Variants in KANK1 observed in about 807,000 individuals in gnomAD.
KANK1 encodes the protein KN motif and ankyrin repeat domain-containing protein 1.
KANK1 carries 109 observed loss-of-function variants against 106.2 expected under a neutral mutation model. The observed-to-expected ratio is 1.03, with a 90% confidence interval of 0.88 to 1.20. The LOEUF (loss-of-function observed/expected upper bound fraction) is 1.20. Among genes scored for constraint, KANK1 ranks in the 50% most tolerant of loss-of-function variants. The probability of loss-of-function intolerance (pLI) is 0.00; values close to 1 mark genes in which losing one functional copy is unlikely to be tolerated. For missense variants in KANK1, 2,399 were observed against 1,710.7 expected (o/e 1.40, Z -7.10); for synonymous variants, 873 against 652.2 (o/e 1.34, Z -5.16).
At position 713,106 on chromosome 9, in the gene KANK1, T is replaced by C. The variant is rs1826653073; in HGVS notation, c.2340T>C (p.Ala780=). Residue 780 remains alanine, a synonymous_variant, in exon 3 of 12, where the codon GCT becomes GCC. Coordinates refer to ENST00000382297, the MANE Select transcript of KANK1 (RefSeq NM_015158.5). ...YLVGLKMRTI[A]CGPPQLTVGL... Reference sequence around the variant, plus strand: ...TTGGTCTCAAAATGAGGACTATAGCTTGTGGGCCACCACAGTTGACTGTGG... The same window carrying C: ...TTGGTCTCAAAATGAGGACTATAGCCTGTGGGCCACCACAGTTGACTGTGG... The C allele has an allele frequency of 6.2e-7, 1 of 1,609,084 alleles. No homozygotes were observed.
intron 1 of KANK1, among the ~76,000 whole-genome samples, chr9:580,236 C>A (rs1313020501): frequency 6.6e-6 from 1 of 151,548 alleles, no homozygotes; most frequent in South Asian, 2.1e-4. Flanking sequence ...TCATTCCTCC[C>A]GGTGGGTTCG....
chr9:488,466 C>G (rs955157063), intron 3 of KANK1, among the ~76,000 whole-genome samples: 3 of 152,208 alleles, frequency 2.0e-5, no homozygotes, highest in African/African-American at 7.2e-5. Flanking sequence ...CTCAGATTGT[C>G]TTATTCTAAC....
At chr9:734,400 C>A (rs1474462604) in intron 6 of KANK1, 1 of 212,678 alleles carries the variant, frequency 4.7e-6, no homozygotes, top group Non-Finnish European at 9.7e-6. Flanking sequence ...GCGCAGTGTC[C>A]CACCCCTGTA....
intron 1 of KANK1, among the ~76,000 whole-genome samples, chr9:511,939 C>T (rs950529050): frequency 5.3e-5 from 8 of 152,144 alleles, no homozygotes; most frequent in African/African-American, 1.9e-4. Context: ...GATTCTGCTG[C>T]TTTCGGTGTT....
intron 3 of KANK1, among the ~76,000 whole-genome samples, chr9:475,621 C>G (rs1425442292): frequency 1.3e-5 from 2 of 152,040 alleles, no homozygotes; most frequent in African/African-American, 2.4e-5. Flanking sequence ...TTATTTAACC[C>G]TATATATTGT....
At chr9:618,899 CAG>C (rs1301139377) in intron 1 of KANK1, among the ~76,000 whole-genome samples, 1 of 152,132 alleles carries the variant, frequency 6.6e-6, no homozygotes, top group East Asian at 1.9e-4. Flanking sequence ...AGCCTTAAAA[CAG>C]AGAATAAAAC....
chr9:725,340 A>G (rs771565959), intron 3 of KANK1, among the ~76,000 whole-genome samples: 5 of 151,994 alleles, frequency 3.3e-5, no homozygotes, highest in Non-Finnish European at 7.4e-5. Context: ...TAAAAATACA[A>G]AAATTAGCCA....
At chr9:536,117 C>T (rs902729274) in intron 1 of KANK1, among the ~76,000 whole-genome samples, 1 of 152,072 alleles carries the variant, frequency 6.6e-6, no homozygotes, top group Non-Finnish European at 1.5e-5. Context: ...GTGGGCGGAT[C>T]ACTTGAGGTC....
Position 684,679 on chromosome 9 carries a change from C to G in KANK1, c.37+7670C>G, listed in dbSNP as rs1038850591. On this transcript the variant is annotated intron_variant, in intron 2 of 11. Coordinates refer to ENST00000382297, the MANE Select transcript of KANK1 (RefSeq NM_015158.5). The stretch of plus-strand genomic sequence containing the variant: ...AGGTATAGCTCATTTGCTTCCTTTT[C>G]CAGGGTTTGCCTTCTTCCTGTGTCT... The G allele has an allele frequency of 4.6e-5, 29 of 629,706 alleles. No homozygotes were observed. The Admixed American group carries it at 1.4e-3, about 31-fold the overall frequency. 39.0% of individuals were successfully genotyped at this position (629,706 alleles called of 1,614,324 possible).
chr9:746,080 C>T lies in KANK1; in HGVS notation c.*845C>T, dbSNP rs1296637959. 1 of 152,610 alleles carries T rather than the reference C, an allele frequency of 6.6e-6. No homozygotes were observed. The highest frequency in any genetic ancestry group is 2.4e-5 in the African/African-American group (1 of 41,426). The allele number at this position is 152,610 out of a possible 1,614,324, so 9.5% of individuals were successfully genotyped here. A position where few individuals can be genotyped will look rare whatever the true frequency, so the allele number is the denominator to read the frequency against. On this transcript the variant is annotated 3_prime_UTR_variant, in exon 12 of 12. Transcript: ENST00000382297. ...GTGCCTTAGACTCTTGCCATATTTT[C>T]AAAATAAAATTCCATTAAGCTCTTT...
At chr9:745,029 G>C in intron 11 of KANK1, 144 bp from the exon 12 acceptor site, 1 of 1,513,430 alleles carries the variant, frequency 6.6e-7, no homozygotes, top group South Asian at 1.4e-5. Context: ...GTGGACACCT[G>C]TTCCCTGTTC....
At chr9:699,158 G>A (rs571234506) in intron 2 of KANK1, among the ~76,000 whole-genome samples, 7 of 152,220 alleles carry the variant, frequency 4.6e-5, no homozygotes, top group South Asian at 2.1e-4. Context: ...CTCCCTACCC[G>A]TAGCCTAGGC....
At chr9:550,273 C>CT (rs1367641898) in intron 1 of KANK1, among the ~76,000 whole-genome samples, 8 of 151,964 alleles carry the variant, frequency 5.3e-5, no homozygotes, top group Non-Finnish European at 1.0e-4. Flanking sequence ...AAGCTCCAAT[C>CT]TTAACTGGGT....
chr9:569,021 C>T (rs1008760633), intron 1 of KANK1, among the ~76,000 whole-genome samples: 2 of 152,064 alleles, frequency 1.3e-5, no homozygotes, highest in African/African-American at 4.8e-5. Flanking sequence ...GCTCTTCTAC[C>T]CACCTGTAGA....
intron 3 of KANK1, among the ~76,000 whole-genome samples, chr9:722,303 T>G (rs959077016): frequency 2.0e-5 from 3 of 151,928 alleles, no homozygotes; most frequent in Admixed American, 6.6e-5. Context: ...CAACTGCAAA[T>G]AAGTGTTCAT....
chr9:544,246 C>G (rs1055362105), intron 1 of KANK1, among the ~76,000 whole-genome samples: 1 of 152,002 alleles, frequency 6.6e-6, no homozygotes, highest in African/African-American at 2.4e-5. Context: ...GTCTCGAACT[C>G]CTGGAATCAA....
In KANK1 at chr9:710,854, C is replaced by T. The variant is rs774462174; in HGVS notation, c.88C>T (p.Pro30Ser). The change falls in exon 3 of 12, where the codon CCT becomes TCT. Residue 30 changes from proline (P) to serine (S), a missense_variant. Transcript: ENST00000382297. Reference protein sequence around the residue: ...SGDQDKEQKDPYFVETPYGYQ... With the variant: ...SGDQDKEQKDSYFVETPYGYQ... ...AGACCAGGACAAGGAACAGAAAGAC[C>T]CTTACTTTGTGGAGACCCCCTATGG... The T allele has an allele frequency of 3.7e-6, 6 of 1,612,984 alleles. No individual in the cohort carries two copies. In the African/African-American group the frequency reaches 4.0e-5, roughly 11 times the overall value.
At chr9:624,955 G>A (rs1834000694) in intron 1 of KANK1, among the ~76,000 whole-genome samples, 1 of 152,194 alleles carries the variant, frequency 6.6e-6, no homozygotes, top group South Asian at 2.1e-4. Context: ...CTTACTTTAT[G>A]CCCTGAGCAA....
In KANK1 at chr9:682,613, C is replaced by T. The variant is rs146671034; in HGVS notation, c.37+5604C>T. ...GATGTTTGGACTGCTTCCACATTTT[C>T]CCTATGGTAGATGATGTTGCAGAGA... On this transcript the variant is annotated intron_variant, in intron 2 of 11. Coordinates refer to ENST00000382297, the MANE Select transcript of KANK1 (RefSeq NM_015158.5). Among the ~76,000 whole-genome samples, 3 of 152,210 alleles carry T rather than the reference C, an allele frequency of 2.0e-5. No individual in the cohort carries two copies. In the East Asian group the frequency reaches 5.8e-4, roughly 29 times the overall value.
Sources: gnomAD v4.1 joint callset for allele counts (sites outside exome capture counted in the v4.1 genomes callset) on GRCh38, gnomAD v4.1.1 for gene constraint, MANE v1.5 for transcripts, NCBI Gene and HGNC (gene_info 2026-07-23, HGNC 2026-07-21) for gene names.